The following SPG7 variants were observed in gnomAD, a reference collection of about 807,000 sequenced individuals.
The protein encoded by SPG7 is SPG7 matrix AAA peptidase subunit, paraplegin.
SPG7 carries 103 observed loss-of-function variants against 81.9 expected under a neutral mutation model. The ratio of observed to expected loss-of-function variants is 1.26; its 90% confidence interval spans 1.07 to 1.48. SPG7 has a LOEUF of 1.48. Ranked by LOEUF, SPG7 falls within the 40% of genes most tolerant of loss-of-function variation. The pLI is 0.00. For missense variants in SPG7, 1,241 were observed against 1,087.3 expected (o/e 1.14, Z -1.99); for synonymous variants, 534 against 444.2 (o/e 1.20, Z -2.54).
At chr16:89,515,984 C>A (rs1464307134) in intron 3 of SPG7, among the ~76,000 whole-genome samples, 2 of 151,960 alleles carry the variant, frequency 1.3e-5, no homozygotes, top group African/African-American at 4.8e-5. Context: ...GCTGGGATTA[C>A]AGGTGTGAGC....
chr16:89,557,098 G>A lies in SPG7; in HGVS notation c.*5G>A. 2 of 1,610,356 alleles carry A rather than the reference G, an allele frequency of 1.2e-6. No individual in the cohort carries two copies. Among genetic ancestry groups the A allele is most frequent in the Non-Finnish European group, 1.7e-6 (2 of 1,179,314 alleles). On this transcript the variant is annotated 3_prime_UTR_variant, in exon 17 of 17. Coordinates refer to ENST00000645818, the MANE Select transcript of SPG7 (RefSeq NM_003119.4). ...GAGCCGACTTGGCCCAAGTAGTTGG[G>A]AGGTGTTGGCTGCACGTGCGGGTGG...
At chr16:89,529,362 G>GT (rs2058310182) in intron 5 of SPG7, 115 bp from the exon 6 acceptor site, 9 of 735,480 alleles carry the variant, frequency 1.2e-5, no homozygotes, top group South Asian at 1.2e-4. Context: ...GGTCCCAGAC[G>GT]TAGGGATTCC....
rs934711030 is a variant in SPG7, at chr16:89,511,934, C to T, written c.287-1014C>T. Among the ~76,000 whole-genome samples, 14 of 151,860 alleles carry T rather than the reference C, an allele frequency of 9.2e-5. No homozygotes were observed. The East Asian group carries it at 2.1e-3, about 23-fold the overall frequency. ...GTTGTTTATTATTATTTTTTTGAGA[C>T]GGAGTCTTGCTCTGTCTCCCAGGCT... On this transcript the variant is annotated intron_variant, in intron 2 of 16. Coordinates refer to ENST00000645818, the MANE Select transcript of SPG7 (RefSeq NM_003119.4).
intron 3 of SPG7, among the ~76,000 whole-genome samples, chr16:89,516,444 C>T (rs976516719): frequency 6.6e-6 from 1 of 151,722 alleles, no homozygotes; most frequent in Non-Finnish European, 1.5e-5. Flanking sequence ...CCAGCTACTC[C>T]GGAGTCTGAG....
In SPG7 at chr16:89,554,634, C is replaced by G. The variant is rs755000627; in HGVS notation, c.2181+71C>G. On this transcript the variant is annotated intron_variant, in intron 16 of 16. Coordinates refer to ENST00000645818, the MANE Select transcript of SPG7 (RefSeq NM_003119.4). ...CACACAGCACCCACGGTCCCCACCCCTCTCGTGAAGTATTTCCAAGGCACA... is the reference window on the plus strand; with the variant it reads ...CACACAGCACCCACGGTCCCCACCCGTCTCGTGAAGTATTTCCAAGGCACA... 10 of 1,026,832 alleles carry G rather than the reference C, an allele frequency of 9.7e-6. No homozygotes were observed. The Admixed American group carries it at 1.1e-4, about 12-fold the overall frequency. 63.6% of individuals were successfully genotyped at this position (1,026,832 alleles called of 1,614,324 possible). A position where few individuals can be genotyped will look rare whatever the true frequency, so the allele number is the denominator to read the frequency against.
At chr16:89,552,324 G>A (rs113907070) in intron 13 of SPG7, 3,343 of 155,330 alleles carry the variant, frequency 0.022, 120 homozygotes, top group African/African-American at 0.077. Context: ...AACTCCCAAA[G>A]TACCGAGATC....
rs1157953850 is a variant in SPG7, at chr16:89,530,754, G to T, written c.933G>T (p.Val311=). The T allele has an allele frequency of 1.9e-6, 3 of 1,614,204 alleles. No homozygotes were observed. The highest frequency in any genetic ancestry group is 2.5e-6 in the Non-Finnish European group (3 of 1,180,030). Residue 311 remains valine (V), a synonymous_variant, in exon 7 of 17, where the codon GTG becomes GTT. Coordinates refer to ENST00000645818, the MANE Select transcript of SPG7 (RefSeq NM_003119.4). Reference sequence around the variant, plus strand: ...GGAAAGGAGTCAGCTTCAAAGACGTGGCAGGAATGCACGAAGCCAAACTGG... The same window carrying T: ...GGAAAGGAGTCAGCTTCAAAGACGTTGCAGGAATGCACGAAGCCAAACTGG... The part of the protein sequence containing the change: ...KMGKGVSFKD[V]AGMHEAKLEV...
rs1454515723 is a variant in SPG7 at position 89,526,423 on chromosome 16, A to T, written c.713A>T (p.Lys238Met). Residue 238 changes from lysine (K) to methionine (M), a missense_variant, in exon 5 of 17, where the codon AAG (lysine) becomes ATG (methionine). Lys to Met is a moderately conservative substitution (Grantham distance 95). Coordinates refer to ENST00000645818, the MANE Select transcript of SPG7 (RefSeq NM_003119.4). ...GAAGATGAGCTGAATATCGAGGCCA[A>T]GGACAGGATCCCAGTTTCCTACAAG... is the stretch of plus-strand genomic sequence containing the variant. ...AAEDELNIEA[K>M]DRIPVSYKRT... The T allele has an allele frequency of 6.2e-7, 1 of 1,614,116 alleles. No individual in the cohort carries two copies.
chr16:89,537,379 A>G, intron 9 of SPG7: 1 of 1,118,334 alleles, frequency 8.9e-7, no homozygotes, highest in Non-Finnish European at 1.1e-6. Flanking sequence ...GTTGATGGGG[A>G]GCGTCGGCGC....
chr16:89,522,375 T>C (rs1004257368), intron 3 of SPG7: 7 of 152,252 alleles, frequency 4.6e-5, no homozygotes, highest in African/African-American at 1.7e-4. Context: ...CGCAAGACAA[T>C]GCAGGAGGAG....
intron 6 of SPG7, chr16:89,529,873 C>T (rs2058316901): frequency 2.4e-6 from 1 of 415,318 alleles, no homozygotes; most frequent in Non-Finnish European, 4.5e-6. Flanking sequence ...GAGTTTCGCC[C>T]TTCTTGCCCA....
At chr16:89,546,529 T>TA (rs2152409796) in intron 10 of SPG7, 129 bp from the exon 11 acceptor site, 1 of 775,116 alleles carries the variant, frequency 1.3e-6, no homozygotes, top group African/African-American at 1.7e-5. Context: ...AATACAAAAC[T>TA]CAGGCATGAT....
chr16:89,553,165 T>C, intron 14 of SPG7, 30 bp downstream of exon 14: 1 of 1,569,612 alleles, frequency 6.4e-7, no homozygotes, highest in Non-Finnish European at 8.6e-7. Context: ...GCCCTGGAGG[T>C]TTCAGAGCGC....
chr16:89,535,659 G>A (rs529993006), intron 9 of SPG7, among the ~76,000 whole-genome samples: 17 of 152,304 alleles, frequency 1.1e-4, no homozygotes, highest in African/African-American at 3.6e-4. Context: ...GTGTCACTGA[G>A]GAGAGACCCG....
intron 3 of SPG7, chr16:89,518,794 C>G (rs1370018986): frequency 1.3e-5 from 2 of 151,990 alleles, no homozygotes; most frequent in Non-Finnish European, 2.9e-5. Flanking sequence ...AAGGAGACAG[C>G]CGGAGGGAGC....
chr16:89,516,493 G>A (rs2058098264), intron 3 of SPG7, among the ~76,000 whole-genome samples: 1 of 152,246 alleles, frequency 6.6e-6, no homozygotes, highest in East Asian at 1.9e-4. Context: ...AGAGGTTGCA[G>A]GGAGCTGAGA....
chr16:89,557,236 T>G lies in SPG7; in HGVS notation c.*143T>G. 1 of 626,790 alleles carries G rather than the reference T, an allele frequency of 1.6e-6. No individual in the cohort carries two copies. Among genetic ancestry groups the G allele is most frequent in the Non-Finnish European group, 2.8e-6 (1 of 351,630 alleles). 38.8% of individuals were successfully genotyped at this position (626,790 alleles called of 1,614,324 possible). A position where few individuals can be genotyped will look rare whatever the true frequency, so the allele number is the denominator to read the frequency against. ...ACAGTGACTTCTGAGATCTGTTGAT[T>G]GATGACCCTTTTCATGATTTTAAGT... On this transcript the variant is annotated 3_prime_UTR_variant, in exon 17 of 17. Coordinates refer to ENST00000645818, the MANE Select transcript of SPG7 (RefSeq NM_003119.4).
chr16:89,548,094 C>T lies in SPG7; in HGVS notation c.1644C>T (p.Ala548=), dbSNP rs145441974. ...TGCACACTCTCAACTTCGAGTACGC[C>T]GTGGAGCGCGTCCTCGCAGGTACAG... ...TSVHTLNFEY[A]VERVLAGTAK... The change falls in exon 12 of 17, where the codon GCC becomes GCT. Residue 548 remains alanine (A), a synonymous_variant. Coordinates refer to ENST00000645818, the MANE Select transcript of SPG7 (RefSeq NM_003119.4). The T allele has an allele frequency of 5.4e-5, 87 of 1,606,506 alleles. No homozygotes were observed. In the East Asian group the frequency reaches 5.8e-4, roughly 11 times the overall value.
In SPG7 at chr16:89,531,892, G is replaced by C. The variant is rs778706569; in HGVS notation, c.988-12G>C. 32 of 1,613,918 alleles carry C rather than the reference G, an allele frequency of 2.0e-5. No homozygotes were observed. The highest frequency in any genetic ancestry group is 2.6e-5 in the Non-Finnish European group (31 of 1,179,932). ...CCAAGTAGTTAGTGTTGCATTGTCT[G>C]CTGCCGTCCAGAGCCCAGAACGCTT... is the stretch of plus-strand genomic sequence containing the variant. On this transcript the variant is annotated splice_polypyrimidine_tract_variant and intron_variant, in intron 7 of 16. Transcript: ENST00000645818.
Sources: allele counts gnomAD v4.1 joint callset (sites outside exome capture counted in the v4.1 genomes callset), GRCh38; gene constraint gnomAD v4.1.1; transcripts MANE v1.5; gene names NCBI Gene and HGNC (gene_info 2026-07-23, HGNC 2026-07-21).